The following PITPNB variants were observed in gnomAD, a reference collection of about 807,000 sequenced individuals.
PITPNB encodes the protein phosphatidylinositol transfer protein beta, also known as phosphatidylinositol transfer protein beta isoform.
PITPNB carries 16 observed loss-of-function variants against 45.9 expected under a neutral mutation model. That is an observed-to-expected ratio of 0.35 (90% CI 0.24 to 0.53). The LOEUF (loss-of-function observed/expected upper bound fraction) is 0.53, where lower values mean the gene tolerates loss of function less well. Among genes scored for constraint, PITPNB ranks in the 20% least tolerant of loss-of-function variants. The pLI is 0.93. For missense variants in PITPNB, 188 were observed against 330.5 expected (o/e 0.57, Z 3.34); for synonymous variants, 112 against 108.9 (o/e 1.03, Z -0.18).
At chr22:27,906,422 A>G (rs1378783990) in intron 3 of PITPNB, among the ~76,000 whole-genome samples, 1 of 152,250 alleles carries the variant, frequency 6.6e-6, no homozygotes, top group Admixed American at 6.5e-5. Flanking sequence ...ATTTTTCTCT[A>G]AACTCCCAAG....
chr22:27,907,666 C>G (rs1935803592), intron 3 of PITPNB, among the ~76,000 whole-genome samples: 1 of 152,092 alleles, frequency 6.6e-6, no homozygotes, highest in Non-Finnish European at 1.5e-5. Flanking sequence ...CTATGGGAAT[C>G]AACCCTCGCC....
At chr22:27,895,398 T>C (rs1935403367) in intron 6 of PITPNB, among the ~76,000 whole-genome samples, 1 of 152,130 alleles carries the variant, frequency 6.6e-6, no homozygotes, top group Admixed American at 6.5e-5. Flanking sequence ...AAGACCAGCC[T>C]GGCCAACATG....
intron 7 of PITPNB, among the ~76,000 whole-genome samples, chr22:27,877,941 A>T (rs1934867108): frequency 6.6e-6 from 1 of 152,218 alleles, no homozygotes; most frequent in Non-Finnish European, 1.5e-5. Context: ...TGCTTATAAA[A>T]GATCAACCCC....
At position 27,858,441 on chromosome 22, in the gene PITPNB, G is replaced by C; in HGVS notation, c.714C>G (p.Leu238=). 2.5e-6 allele frequency: 4 copies of C among 1,609,212 alleles called. No individual in the cohort carries two copies. The highest frequency in any genetic ancestry group is 3.4e-6 in the Non-Finnish European group (4 of 1,176,178). ...CCATTCTCCTAATGTCTTCCATCGT[G>C]AGATCGATCCACTTGTCAATCCAAC... ...LFCWIDKWID[L]TMEDIRRMED... Residue 238 remains leucine, a synonymous_variant, in exon 10 of 12, where the codon CTC becomes CTG. Coordinates refer to ENST00000335272, the MANE Select transcript of PITPNB (RefSeq NM_012399.5).
chr22:27,902,637 G>A (rs1935634874), intron 3 of PITPNB, among the ~76,000 whole-genome samples: 1 of 152,132 alleles, frequency 6.6e-6, no homozygotes, highest in Admixed American at 6.5e-5. Context: ...CTTGGATTGG[G>A]CAATGATTTC....
intron 8 of PITPNB, among the ~76,000 whole-genome samples, chr22:27,872,437 T>A (rs2146364920): frequency 6.6e-6 from 1 of 152,252 alleles, no homozygotes; most frequent in South Asian, 2.1e-4. Context: ...TTCTTTGTAA[T>A]AATGCAAGAT....
chr22:27,861,433 G>A (rs1934329741), intron 8 of PITPNB, among the ~76,000 whole-genome samples: 1 of 152,204 alleles, frequency 6.6e-6, no homozygotes, highest in South Asian at 2.1e-4. Context: ...ATACTAGCAT[G>A]TTTATTTTCA....
chr22:27,881,056 C>A (rs8140760), intron 7 of PITPNB, among the ~76,000 whole-genome samples: 6,296 of 152,298 alleles, frequency 0.041, 201 homozygotes, highest in South Asian at 0.11. Context: ...TGGAAATGAT[C>A]TGAAAGTGTG....
chr22:27,871,170 T>C (rs1017822961), intron 8 of PITPNB, among the ~76,000 whole-genome samples: 1 of 152,194 alleles, frequency 6.6e-6, no homozygotes, highest in Non-Finnish European at 1.5e-5. Flanking sequence ...GACAAAGCAA[T>C]ATCAGTTACA....
chr22:27,916,693 C>CT (rs2146436124), intron 1 of PITPNB, among the ~76,000 whole-genome samples: 1 of 152,172 alleles, frequency 6.6e-6, no homozygotes, highest in Non-Finnish European at 1.5e-5. Flanking sequence ...GTCCCAGCTA[C>CT]TTGGGAGGCT....
At chr22:27,893,062 T>C (rs898193815) in intron 7 of PITPNB, among the ~76,000 whole-genome samples, 3 of 152,236 alleles carry the variant, frequency 2.0e-5, no homozygotes, top group South Asian at 2.1e-4. Flanking sequence ...GCACCAAAAA[T>C]AGAAATGGAA....
intron 1 of PITPNB, among the ~76,000 whole-genome samples, chr22:27,916,937 G>A (rs1936096536): frequency 6.6e-6 from 1 of 152,176 alleles, no homozygotes; most frequent in Non-Finnish European, 1.5e-5. Flanking sequence ...GTTGACTTGA[G>A]AGTAAGAAGT....
chr22:27,895,562 C>T (rs1935408022), intron 6 of PITPNB, among the ~76,000 whole-genome samples: 1 of 151,712 alleles, frequency 6.6e-6, no homozygotes, highest in Admixed American at 6.6e-5. Flanking sequence ...TGCACCCCAG[C>T]CTGGGCAACA....
chr22:27,871,968 G>A (rs1003688716), intron 8 of PITPNB, among the ~76,000 whole-genome samples: 16 of 150,820 alleles, frequency 1.1e-4, no homozygotes, highest in African/African-American at 3.2e-4. Flanking sequence ...CATGTGAGAC[G>A]CCTGCTTCTC....
At chr22:27,911,135 T>C (rs1335578248) in intron 2 of PITPNB, 26 bp from the exon 3 acceptor site, 2 of 1,594,856 alleles carry the variant, frequency 1.3e-6, no homozygotes, top group Admixed American at 3.3e-5. Context: ...ATACAGAAAC[T>C]GAGTAAGTCA....
At chr22:27,916,573 G>A (rs1813595959) in intron 1 of PITPNB, among the ~76,000 whole-genome samples, 2 of 152,210 alleles carry the variant, frequency 1.3e-5, no homozygotes, top group African/African-American at 2.4e-5. Flanking sequence ...GCACTTAGTG[G>A]GCGGATCACC....
intron 7 of PITPNB, among the ~76,000 whole-genome samples, chr22:27,889,151 G>A (rs1441549442): frequency 2.6e-5 from 4 of 152,174 alleles, no homozygotes; most frequent in Non-Finnish European, 5.9e-5. Flanking sequence ...CCTTATTCTA[G>A]TTGCTCCATC....
At chr22:27,888,662 AGCTTCT>A (rs1403901516) in intron 7 of PITPNB, among the ~76,000 whole-genome samples, 8 of 152,366 alleles carry the variant, frequency 5.3e-5, no homozygotes, top group Non-Finnish European at 8.8e-5. Context: ...AATGAGCAAA[AGCTTCT>A]GAAATTCAGC....
intron 7 of PITPNB, among the ~76,000 whole-genome samples, chr22:27,886,728 G>C (rs1458291745): frequency 6.6e-6 from 1 of 152,184 alleles, no homozygotes; most frequent in Non-Finnish European, 1.5e-5. Flanking sequence ...GTGACAGAAA[G>C]CCCCCACCAG....
Sources: allele counts gnomAD v4.1 joint callset (sites outside exome capture counted in the v4.1 genomes callset), GRCh38; gene constraint gnomAD v4.1.1; transcripts MANE v1.5; gene names NCBI Gene and HGNC (gene_info 2026-07-23, HGNC 2026-07-21).